The following KMT2A variants were observed in gnomAD, a reference collection of about 807,000 sequenced individuals.
KMT2A encodes the protein lysine methyltransferase 2A.
In KMT2A, 16 loss-of-function variants were observed where a neutral mutation model predicts 345.3. The ratio of observed to expected loss-of-function variants is 0.05; its 90% CI spans 0.03 to 0.07. The LOEUF (loss-of-function observed/expected upper bound fraction) is 0.07. Ranked by LOEUF, KMT2A falls within the 10% of genes least tolerant of loss-of-function variation. The pLI, the probability that KMT2A is intolerant of heterozygous loss-of-function variation, is 1.00. For synonymous variants in KMT2A, 1,599 were observed against 1,778.6 expected (o/e 0.90, Z 2.54); for missense variants, 3,272 against 4,841.6 (o/e 0.68, Z 9.62).
In KMT2A at chr11:118,522,174, GC is replaced by G; in HGVS notation, c.*3del. On this transcript the variant is annotated 3_prime_UTR_variant, in exon 36 of 36. Transcript: ENST00000534358. The surrounding 1 kb of genome is among the most constrained non-coding windows in gnomAD (Gnocchi z 5.4). Reference sequence around the variant, plus strand: ...AAATGCCGGAAGTTCCTAAACTAAAGCTGCTCTTCTCCCCCAGTGTTGGAGT... The same window carrying G: ...AAATGCCGGAAGTTCCTAAACTAAAGTGCTCTTCTCCCCCAGTGTTGGAGT... The G allele has an allele frequency of 6.2e-7, 1 of 1,613,412 alleles. No individual in the cohort carries two copies. Among genetic ancestry groups the G allele is most frequent in the South Asian group, 1.1e-5 (1 of 91,076 alleles).
rs930899959 is a variant in KMT2A, at chr11:118,443,533, T to C, written c.432+6589T>C. Among the ~76,000 whole-genome samples the C allele has an allele frequency of 8.5e-5, 13 of 152,242 alleles. 1 individual carries two copies. Among genetic ancestry groups the C allele is most frequent in the Non-Finnish European group, 1.5e-5 (1 of 68,036 alleles). ...CGTGATTTGTAATTGTTGTGGATGA[T>C]ATAAATCCCCTTGAAGGATTAGTCC... On this transcript the variant is annotated intron_variant, in intron 1 of 35. Coordinates refer to ENST00000534358, the MANE Select transcript of KMT2A (RefSeq NM_001197104.2).
intron 1 of KMT2A, among the ~76,000 whole-genome samples, chr11:118,456,836 T>C (rs1949653936): frequency 6.6e-6 from 1 of 152,218 alleles, no homozygotes; most frequent in Non-Finnish European, 1.5e-5. Flanking sequence ...AATTCAGATG[T>C]CTAAAATGAT....
At chr11:118,462,086 T>G (rs1348138495) in intron 1 of KMT2A, among the ~76,000 whole-genome samples, 2 of 152,330 alleles carry the variant, frequency 1.3e-5, no homozygotes, top group African/African-American at 4.8e-5. Context: ...CCCGAGTAGC[T>G]GGGACTACAG....
chr11:118,436,672 C>T lies in KMT2A; in HGVS notation c.160C>T (p.Pro54Ser), dbSNP rs1431921307. The change falls in exon 1 of 36, where the codon CCC becomes TCC. Residue 54 changes from proline (P) to serine (S), a missense_variant. Physicochemically the swap from Pro to Ser is moderately conservative, Grantham distance 74. This residue lies in a region of KMT2A where 412 missense variants were observed against 511.0 expected (regional missense o/e 0.81). Transcript: ENST00000534358. The surrounding 1 kb of genome is among the most constrained non-coding windows in gnomAD (Gnocchi z 6.9). Reference sequence around the variant, plus strand: ...GGTCGGCGGTGGCGGCCCCGGGGCGCCCCCCTCCCCCCCGGCTGTGGCGGC... The same window carrying T: ...GGTCGGCGGTGGCGGCCCCGGGGCGTCCCCCTCCCCCCCGGCTGTGGCGGC... Reference protein sequence around the residue: ...PPVGGGGPGAPPSPPAVAAAA... With the variant: ...PPVGGGGPGASPSPPAVAAAA... The T allele has an allele frequency of 6.5e-6, 8 of 1,225,806 alleles. No individual in the cohort carries two copies. The highest frequency in any genetic ancestry group is 3.2e-5 in the African/African-American group (2 of 62,918). The allele number at this position is 1,225,806 out of a possible 1,614,324, so 75.9% of individuals were successfully genotyped here.
chr11:118,517,807 T>G (rs1950855500), intron 31 of KMT2A, among the ~76,000 whole-genome samples: 1 of 152,276 alleles, frequency 6.6e-6, no homozygotes, highest in Admixed American at 6.5e-5. Flanking sequence ...GCTACTGCAC[T>G]CCAGCCTGGG....
Position 118,497,759 on chromosome 11 carries a change from A to C in KMT2A, c.5665-177A>C, listed in dbSNP as rs1311235601. ...GTCTATGGAAAAAGTAATCTTGAAAAGAAGGAAGTGGAAACAGAGCAACGT... is the reference window on the plus strand; with the variant it reads ...GTCTATGGAAAAAGTAATCTTGAAACGAAGGAAGTGGAAACAGAGCAACGT... On this transcript the variant is annotated intron_variant, in intron 20 of 35. Transcript: ENST00000534358. This position sits in a 1 kb window ranked among gnomAD's most constrained non-coding sequence, Gnocchi z 4.8. 1.3e-5 allele frequency among the ~76,000 whole-genome samples: 2 copies of C among 152,198 alleles called. No individual in the cohort carries two copies. Among genetic ancestry groups the C allele is most frequent in the African/African-American group, 4.8e-5 (2 of 41,452 alleles).
chr11:118,507,844 T>G (rs1162984699), intron 28 of KMT2A: 1 of 399,470 alleles, frequency 2.5e-6, no homozygotes, highest in African/African-American at 2.0e-5. Context: ...GCGCCTGTAG[T>G]CCCAGCCACT....
intron 24 of KMT2A, chr11:118,500,647 T>C (rs2134377228): frequency 5.8e-6 from 1 of 171,946 alleles, no homozygotes. Context: ...TTGTATACAT[T>C]GTAAGGCAAT....
chr11:118,472,736 G>A lies in KMT2A; in HGVS notation c.1577G>A (p.Arg526Lys). 1 of 1,613,654 alleles carries A rather than the reference G, an allele frequency of 6.2e-7. No homozygotes were observed. The highest frequency in any genetic ancestry group is 8.5e-7 in the Non-Finnish European group (1 of 1,179,958). ...SQSPENESND[R>K]RSRRYSVSER... ...TCCCCAGAAAATGAGAGTAATGATAGGAGAAGCAGAAGGTATTCAGTGTCG... is the reference window on the plus strand; with the variant it reads ...TCCCCAGAAAATGAGAGTAATGATAAGAGAAGCAGAAGGTATTCAGTGTCG... The change falls in exon 3 of 36, where the codon AGG (arginine) becomes AAG (lysine). Residue 526 changes from arginine (R) to lysine (K), a missense_variant. Around this residue, in one of 27 missense-constraint regions of KMT2A, gnomAD observed 180 missense variants for 190.7 expected, o/e 0.94. Transcript: ENST00000534358.
rs9332837 is a variant in KMT2A at position 118,502,856 on chromosome 11, T to A, written c.6964T>A (p.Ser2322Thr). The A allele has an allele frequency of 1.9e-3, 3,077 of 1,614,124 alleles. 73 individuals are homozygous for A. The South Asian group carries it at 0.032, about 17-fold the overall frequency. ...KVLSSKSSEGSAHNVAYPGIP... is the reference protein window; with the variant it reads ...KVLSSKSSEGTAHNVAYPGIP... Reference sequence around the variant, plus strand: ...GCTGAGTTCCAAGAGCTCAGAGGGATCTGCACATAATGTGGCTTACCCTGG... The same window carrying A: ...GCTGAGTTCCAAGAGCTCAGAGGGAACTGCACATAATGTGGCTTACCCTGG... Residue 2322 changes from serine to threonine, a missense_variant, in exon 27 of 36, where the codon TCT becomes ACT. Ser to Thr is a moderately conservative substitution (Grantham distance 58). Transcript: ENST00000534358. The surrounding 1 kb of genome is among the most constrained non-coding windows in gnomAD (Gnocchi z 4.9).
chr11:118,509,273 C>G (rs1950642052), intron 29 of KMT2A, 73 bp downstream of exon 29: 8 of 1,197,084 alleles, frequency 6.7e-6, no homozygotes. Context: ...ACCCACTTTA[C>G]CTACTTATTT....
chr11:118,492,282 G>C (rs7479333), intron 15 of KMT2A, among the ~76,000 whole-genome samples: 1 of 152,228 alleles, frequency 6.6e-6, no homozygotes, highest in African/African-American at 2.4e-5. Flanking sequence ...CCTGAGCCTA[G>C]AGGCAGGATT....
intron 1 of KMT2A, among the ~76,000 whole-genome samples, chr11:118,443,929 T>G (rs559393545): frequency 6.6e-6 from 1 of 152,358 alleles, no homozygotes; most frequent in East Asian, 1.9e-4. Flanking sequence ...TATAGATGTT[T>G]TGATGTCTTT....
chr11:118,481,750 G>A lies in KMT2A; in HGVS notation c.3670G>A (p.Glu1224Lys). 1 of 1,613,718 alleles carries A rather than the reference G, an allele frequency of 6.2e-7. No homozygotes were observed. Among genetic ancestry groups the A allele is most frequent in the Non-Finnish European group, 8.5e-7 (1 of 1,179,910 alleles). ...KKKEKKSKTS[E>K]KKDSKESSVV... is the part of the protein sequence containing the mutation. ...GAAAGAGAAAAAGTCTAAGACCAGT[G>A]AAAAGAAAGACAGCAAAGAGAGCAG... is the stretch of plus-strand genomic sequence containing the variant. Residue 1224 changes from glutamate to lysine, a missense_variant, in exon 7 of 36, where the codon GAA (glutamate) becomes AAA (lysine). Transcript: ENST00000534358.
chr11:118,438,962 CTATT>C (rs1386923771), intron 1 of KMT2A: 2 of 452,306 alleles, frequency 4.4e-6, no homozygotes, highest in African/African-American at 4.0e-5. Context: ...TTGTTTGAGA[CTATT>C]TATTGGTTGC....
At chr11:118,446,314 A>G (rs1555027184) in intron 1 of KMT2A, among the ~76,000 whole-genome samples, 1 of 152,218 alleles carries the variant, frequency 6.6e-6, no homozygotes, top group East Asian at 1.9e-4. Flanking sequence ...ACACCACTGC[A>G]TTCCATCCTG....
At position 118,473,584 on chromosome 11, in the gene KMT2A, T is replaced by C. The variant is rs1442402265; in HGVS notation, c.2425T>C (p.Ser809Pro). 11 of 1,613,966 alleles carry C rather than the reference T, an allele frequency of 6.8e-6. No individual in the cohort carries two copies. Among genetic ancestry groups the C allele is most frequent in the Non-Finnish European group, 9.3e-6 (11 of 1,180,038 alleles). The stretch of plus-strand genomic sequence containing the variant: ...TCATTCCCTGACTCAGTCTGGGGAA[T>C]CTGCAGAGAAAAATCAGAGACCAAG... ...PSHSLTQSGE[S>P]AEKNQRPRKQ... The change falls in exon 3 of 36, where the codon TCT (serine) becomes CCT (proline). Residue 809 changes from serine to proline, a missense_variant. By Grantham distance (74) the Ser-to-Pro change is moderately conservative. This residue lies in a region of KMT2A where 209 missense variants were observed against 237.4 expected (regional missense o/e 0.88). Coordinates refer to ENST00000534358, the MANE Select transcript of KMT2A (RefSeq NM_001197104.2). The surrounding 1 kb of genome is among the most constrained non-coding windows in gnomAD (Gnocchi z 5.2).
In KMT2A at chr11:118,473,802, A is replaced by G; in HGVS notation, c.2643A>G (p.Glu881=). ...GTAGAGAGAGAGACCGGGAGAGAGA[A>G]AAGGAGAATAAGCGGGAGTCAAGGA... ...DKSRERDRER[E]KENKRESRKE... Residue 881 remains glutamate, a synonymous_variant, in exon 3 of 36, where the codon GAA becomes GAG. Coordinates refer to ENST00000534358, the MANE Select transcript of KMT2A (RefSeq NM_001197104.2). This position sits in a 1 kb window ranked among gnomAD's most constrained non-coding sequence, Gnocchi z 5.2. The G allele has an allele frequency of 6.2e-7, 1 of 1,614,126 alleles. No homozygotes were observed. Among genetic ancestry groups the G allele is most frequent in the Non-Finnish European group, 8.5e-7 (1 of 1,179,984 alleles).
intron 1 of KMT2A, among the ~76,000 whole-genome samples, chr11:118,468,523 C>T (rs183148155): frequency 2.0e-5 from 3 of 152,286 alleles, no homozygotes; most frequent in Admixed American, 1.3e-4. Flanking sequence ...CCTCTGTGTA[C>T]TATGCACCAA....
Sources: allele counts gnomAD v4.1 joint callset (sites outside exome capture counted in the v4.1 genomes callset), GRCh38; gene constraint gnomAD v4.1.1; regional missense constraint gnomAD v4.1.1; non-coding constraint Gnocchi (gnomAD v3.1); transcripts MANE v1.5; gene names NCBI Gene and HGNC (gene_info 2026-07-23, HGNC 2026-07-21).